The following HOXA3 variants were observed in gnomAD, a reference collection of about 807,000 sequenced individuals.
HOXA3 encodes homeobox A3, also known as homeobox protein Hox-A3.
In HOXA3, 8 loss-of-function variants were observed where a neutral mutation model predicts 30.3. The observed-to-expected ratio is 0.26, with a 90% CI of 0.15 to 0.48. The LOEUF is 0.48. HOXA3 is among the 20% of genes least tolerant of loss of function. HOXA3 has a pLI of 0.99. For synonymous variants in HOXA3, 323 were observed against 273.1 expected, an observed-to-expected ratio of 1.18 and a Z score of -1.80; for missense variants, 653 against 614.4, an observed-to-expected ratio of 1.06 and a Z score of -0.66.
chr7:27,139,421 GC>G (rs1455750254), intron 2 of HOXA3, among the ~76,000 whole-genome samples: 2 of 152,196 alleles, frequency 1.3e-5, no homozygotes, highest in Non-Finnish European at 2.9e-5. Context: ...CGGGGGCCCA[GC>G]CTGGAGGTGC....
In HOXA3 at chr7:27,108,142, C is replaced by A. The variant is rs1300699662; in HGVS notation, c.1105G>T (p.Gly369Cys). 2 of 1,589,846 alleles carry A rather than the reference C, an allele frequency of 1.3e-6. No individual in the cohort carries two copies. Among genetic ancestry groups the A allele is most frequent in the Admixed American group, 1.8e-5 (1 of 56,772 alleles). ...TTGCTCATGGGCTCCACATAGCTGC[C>A]CCCCACGAAGACGGGGCTTCCCTGT... ...HIQGSPVFVG[G>C]SYVEPMSNSG... Residue 369 changes from glycine (G) to cysteine (C), a missense_variant, in exon 6 of 6, where the codon GGC becomes TGC. By Grantham distance (159) the Gly-to-Cys change is radical. Around this residue, in one of 3 missense-constraint regions of HOXA3, gnomAD observed 330 missense variants for 274.4 expected, o/e 1.20. Coordinates refer to ENST00000612286, the MANE Select transcript of HOXA3 (RefSeq NM_153631.3). This position sits in a 1 kb window ranked among gnomAD's most constrained non-coding sequence, Gnocchi z 5.0.
chr7:27,145,510 G>T, intron 1 of HOXA3: 2 of 891,698 alleles, frequency 2.2e-6, no homozygotes, highest in Non-Finnish European at 3.5e-6. Context: ...AGAAATAAAT[G>T]CACAGACGCT....
At position 27,143,508 on chromosome 7, in the gene HOXA3, A is replaced by G. The variant is rs763093620; in HGVS notation, c.-493-3322T>C. On this transcript the variant is annotated intron_variant, in intron 1 of 5. Coordinates refer to ENST00000612286, the MANE Select transcript of HOXA3 (RefSeq NM_153631.3). ...GAGTGCATGCTCGCCGAGTCCCTGAATTGCTCGCTCACGGAACTATGATCT... is the reference window on the plus strand; with the variant it reads ...GAGTGCATGCTCGCCGAGTCCCTGAGTTGCTCGCTCACGGAACTATGATCT... 5 of 1,613,772 alleles carry G rather than the reference A, an allele frequency of 3.1e-6. No homozygotes were observed. The South Asian group carries it at 3.3e-5, about 11-fold the overall frequency.
chr7:27,149,985 G>T (rs577523155), intron 1 of HOXA3: 1 of 152,180 alleles, frequency 6.6e-6, no homozygotes, highest in Non-Finnish European at 1.5e-5. Flanking sequence ...CCTTGACCAG[G>T]ATTCTCGATC....
At chr7:27,129,124 T>C in intron 2 of HOXA3, 1 of 798,900 alleles carries the variant, frequency 1.3e-6, no homozygotes, top group South Asian at 1.4e-5. Flanking sequence ...TGTTTTGGTG[T>C]CTATTATGGT....
At chr7:27,128,766 T>C (rs1785388775) in intron 2 of HOXA3, 2 of 191,326 alleles carry the variant, frequency 1.0e-5, no homozygotes, top group Non-Finnish European at 2.2e-5. Context: ...GTCCACAATG[T>C]CTACTCATTT....
Position 27,108,393 on chromosome 7 carries a change from T to C in HOXA3, c.854A>G (p.Asn285Ser), listed in dbSNP as rs762227101. The C allele has an allele frequency of 6.2e-7, 1 of 1,602,440 alleles. No homozygotes were observed. The highest frequency in any genetic ancestry group is 8.5e-7 in the Non-Finnish European group (1 of 1,172,682). Residue 285 changes from asparagine (N) to serine (S), a missense_variant, in exon 6 of 6, where the codon AAC (asparagine) becomes AGC (serine). Around this residue, in one of 3 missense-constraint regions of HOXA3, gnomAD observed 330 missense variants for 274.4 expected, o/e 1.20. Coordinates refer to ENST00000612286, the MANE Select transcript of HOXA3 (RefSeq NM_153631.3). This position sits in a 1 kb window ranked among gnomAD's most constrained non-coding sequence, Gnocchi z 5.0. ...GYLNSMHSLV[N>S]SVPYEPQSPP... ...CGACTGGGGCTCATACGGGACGCTG[T>C]TGACCAGCGAATGCATAGAGTTCAG...
At chr7:27,115,744 G>C (rs1367117079) in intron 4 of HOXA3, 1 of 152,290 alleles carries the variant, frequency 6.6e-6, no homozygotes, top group Non-Finnish European at 1.5e-5. Flanking sequence ...TGGGGCGGGA[G>C]CTTCGTTCCG....
At chr7:27,136,471 G>A (rs1269197939) in intron 2 of HOXA3, among the ~76,000 whole-genome samples, 1 of 152,198 alleles carries the variant, frequency 6.6e-6, no homozygotes, top group Non-Finnish European at 1.5e-5. Context: ...GGCAATGGGA[G>A]GTGGAGACAC....
At chr7:27,143,137 G>T in intron 1 of HOXA3, 1 of 1,608,028 alleles carries the variant, frequency 6.2e-7, no homozygotes, top group Non-Finnish European at 8.5e-7. Flanking sequence ...TCGCCTGCTC[G>T]CTGCTGGCAG....
At chr7:27,124,901 G>A (rs7795975) in intron 3 of HOXA3, among the ~76,000 whole-genome samples, 137 of 152,274 alleles carry the variant, frequency 9.0e-4, no homozygotes, top group African/African-American at 3.2e-3. Flanking sequence ...GATTATGACC[G>A]TTGTGGATAG....
chr7:27,135,050 T>C (rs1785670317), intron 2 of HOXA3, among the ~76,000 whole-genome samples: 1 of 152,062 alleles, frequency 6.6e-6, no homozygotes, highest in Non-Finnish European at 1.5e-5. Flanking sequence ...GCATGAAAAA[T>C]AAAATATTGT....
chr7:27,108,017 G>A lies in HOXA3; in HGVS notation c.1230C>T (p.His410=), dbSNP rs773201682. The A allele has an allele frequency of 3.7e-6, 6 of 1,612,664 alleles. No homozygotes were observed. In the East Asian group the frequency reaches 6.7e-5, roughly 18 times the overall value. ...GGTGCGGCTCCCCAGGCCCCGGCCCGTGGTGGTGGCCGCTGCCCAGCGGCC... is the reference window on the plus strand; with the variant it reads ...GGTGCGGCTCCCCAGGCCCCGGCCCATGGTGGTGGCCGCTGCCCAGCGGCC... ...GAGPLGSGHH[H]GPGPGEPHPT... The change falls in exon 6 of 6, where the codon CAC becomes CAT. Residue 410 remains histidine, a synonymous_variant. Transcript: ENST00000612286. This position sits in a 1 kb window ranked among gnomAD's most constrained non-coding sequence, Gnocchi z 5.0.
At chr7:27,141,829 A>G (rs1224689844) in intron 1 of HOXA3, 9 of 1,613,400 alleles carry the variant, frequency 5.6e-6, no homozygotes, top group Non-Finnish European at 5.9e-6. Context: ...TTAAACGCTC[A>G]GATACTCAGG....
chr7:27,143,668 C>G, intron 1 of HOXA3: 2 of 1,524,138 alleles, frequency 1.3e-6, no homozygotes, highest in Admixed American at 4.1e-5. Flanking sequence ...CTATAGCACC[C>G]TTGCACAATT....
Position 27,108,252 on chromosome 7 carries a change from G to A in HOXA3, c.995C>T (p.Ala332Val). ...GGGGGTGCCCCCTGCGCCCGCCCCTGCCGCCGTGTAGCGCTTCTGTGGGGG... is the reference window on the plus strand; with the variant it reads ...GGGGGTGCCCCCTGCGCCCGCCCCTACCGCCGTGTAGCGCTTCTGTGGGGG... The part of the protein sequence containing the change: ...PPPPQKRYTA[A>V]GAGAGGTPDY... Residue 332 changes from alanine (A) to valine (V), a missense_variant, in exon 6 of 6, where the codon GCA becomes GTA. Around this residue, in one of 3 missense-constraint regions of HOXA3, gnomAD observed 330 missense variants for 274.4 expected, o/e 1.20. Coordinates refer to ENST00000612286, the MANE Select transcript of HOXA3 (RefSeq NM_153631.3). The surrounding 1 kb of genome is among the most constrained non-coding windows in gnomAD (Gnocchi z 5.0). 1 of 1,518,716 alleles carries A rather than the reference G, an allele frequency of 6.6e-7. No individual in the cohort carries two copies. The highest frequency in any genetic ancestry group is 8.8e-7 in the Non-Finnish European group (1 of 1,133,688). The allele number at this position is 1,518,716 out of a possible 1,614,324, so 94.1% of individuals were successfully genotyped here.
intron 2 of HOXA3, among the ~76,000 whole-genome samples, chr7:27,132,035 C>T (rs1785578605): frequency 6.6e-6 from 1 of 152,212 alleles, no homozygotes; most frequent in Non-Finnish European, 1.5e-5. Flanking sequence ...ATTAATTCCA[C>T]CTAATGTTGA....
Position 27,113,249 on chromosome 7 carries a change from C to T in HOXA3, c.-120-2489G>A, listed in dbSNP as rs1562713432. On this transcript the variant is annotated intron_variant, in intron 4 of 5. Transcript: ENST00000612286. This position sits in a 1 kb window ranked among gnomAD's most constrained non-coding sequence, Gnocchi z 4.8. ...GAGTGCAAGAAGCAAGCCCTATTGT[C>T]TCTCTGGAAGATGTGCCCAAATTCA... Among the ~76,000 whole-genome samples, 1 of 152,224 alleles carries T rather than the reference C, an allele frequency of 6.6e-6. No homozygotes were observed. Among genetic ancestry groups the T allele is most frequent in the East Asian group, 1.9e-4 (1 of 5,202 alleles).
Position 27,111,271 on chromosome 7 carries a change from C to T in HOXA3, c.-120-511G>A, listed in dbSNP as rs1784360130. On this transcript the variant is annotated intron_variant, in intron 4 of 5. Transcript: ENST00000612286. ...CCAAAAGAGCCCTGAGATGGGGTAA[C>T]TTCCCACCCAGCTCCTTCTTGGACC... is the stretch of plus-strand genomic sequence containing the variant. Among the ~76,000 whole-genome samples, 11 of 152,344 alleles carry T rather than the reference C, an allele frequency of 7.2e-5. 1 individual carries two copies. In the South Asian group the frequency reaches 2.3e-3, roughly 32 times the overall value.
Sources: gnomAD v4.1 joint callset for allele counts (sites outside exome capture counted in the v4.1 genomes callset) on GRCh38, gnomAD v4.1.1 for gene constraint, gnomAD v4.1.1 regional missense constraint, Gnocchi (gnomAD v3.1) non-coding constraint, MANE v1.5 for transcripts, NCBI Gene and HGNC (gene_info 2026-07-23, HGNC 2026-07-21) for gene names.